The following SWT1 variants were observed in gnomAD, a reference collection of about 807,000 sequenced individuals.
The protein encoded by SWT1 is SWT1 RNA endoribonuclease homolog.
Under a neutral mutation model 107.3 loss-of-function variants are expected in SWT1, and 33 were observed. That is an observed-to-expected ratio of 0.31 (90% confidence interval 0.23 to 0.41). The LOEUF (loss-of-function observed/expected upper bound fraction) is 0.41. SWT1 is among the 10% of genes least tolerant of loss of function. SWT1 has a pLI of 1.00. For missense variants in SWT1, 898 were observed against 1,028.9 expected (o/e 0.87, Z 1.74); for synonymous variants, 345 against 348.3 (o/e 0.99, Z 0.11).
intron 2 of SWT1, among the ~76,000 whole-genome samples, 196 bp downstream of exon 2, chr1:185,161,121 A>G (rs1654109685): frequency 6.6e-6 from 1 of 152,168 alleles, no homozygotes; most frequent in African/African-American, 2.4e-5. Context: ...GGTGGGTACT[A>G]TTATTCCAAT....
chr1:185,206,848 A>ACAAATTCT, intron 13 of SWT1, 85 bp downstream of exon 13: 1 of 1,025,030 alleles, frequency 9.8e-7, no homozygotes, highest in Non-Finnish European at 1.4e-6. Flanking sequence ...AGATAAATTA[A>ACAAATTCT]TGAAGAATTT....
intron 16 of SWT1, among the ~76,000 whole-genome samples, chr1:185,252,244 G>A (rs572672010): frequency 3.9e-5 from 6 of 152,132 alleles, no homozygotes; most frequent in East Asian, 1.9e-4. Flanking sequence ...ATAAACATAC[G>A]TGTGCATGTG....
chr1:185,176,027 C>A (rs112095635), intron 5 of SWT1, among the ~76,000 whole-genome samples: 2 of 152,086 alleles, frequency 1.3e-5, no homozygotes, highest in East Asian at 3.8e-4. Context: ...CAATGGCTCA[C>A]GCCTGTAATC....
intron 16 of SWT1, among the ~76,000 whole-genome samples, chr1:185,268,254 A>G (rs1216916474): frequency 6.6e-6 from 1 of 152,230 alleles, no homozygotes; most frequent in African/African-American, 2.4e-5. Context: ...AGATCCCAAT[A>G]AACCTTTCTT....
In SWT1 at chr1:185,211,237, C is replaced by T. The variant is rs145001350; in HGVS notation, c.1973-3270C>T. 6.6e-5 allele frequency among the ~76,000 whole-genome samples: 10 copies of T among 152,240 alleles called. No homozygotes were observed. In the East Asian group the frequency reaches 1.7e-3, roughly 26 times the overall value. On this transcript the variant is annotated intron_variant, in intron 13 of 18. Transcript: ENST00000367500. ...CAAAAAAGAGCCCACATAGCCAAGACAATCCTAAGCAAAATGAACAAAACT... is the reference window on the plus strand; with the variant it reads ...CAAAAAAGAGCCCACATAGCCAAGATAATCCTAAGCAAAATGAACAAAACT...
At chr1:185,223,379 G>T (rs2102535430) in intron 15 of SWT1, among the ~76,000 whole-genome samples, 1 of 152,032 alleles carries the variant, frequency 6.6e-6, no homozygotes, top group East Asian at 1.9e-4. Flanking sequence ...ATCTCACTAT[G>T]TTGCCCAGGT....
At chr1:185,223,660 CT>C (rs1373941151) in intron 15 of SWT1, among the ~76,000 whole-genome samples, 1 of 152,124 alleles carries the variant, frequency 6.6e-6, no homozygotes, top group African/African-American at 2.4e-5. Flanking sequence ...ATTTTTTAAA[CT>C]TTAAGTTCAG....
intron 13 of SWT1, among the ~76,000 whole-genome samples, chr1:185,212,667 G>A (rs1200909263): frequency 1.3e-5 from 2 of 152,092 alleles, no homozygotes; most frequent in East Asian, 3.8e-4. Flanking sequence ...GCTGGGCGTG[G>A]TGGTGGGTGC....
intron 13 of SWT1, among the ~76,000 whole-genome samples, chr1:185,210,559 A>C (rs538465212): frequency 1.3e-5 from 2 of 152,198 alleles, no homozygotes; most frequent in Non-Finnish European, 2.9e-5. Context: ...ATAGCTCTTA[A>C]GCTGTGTATG....
rs1355847348 is a variant in SWT1 at position 185,231,752 on chromosome 1, T to C, written c.2441+44T>C. The C allele has an allele frequency of 2.0e-6, 3 of 1,507,562 alleles. No homozygotes were observed. In the African/African-American group the frequency reaches 4.2e-5, roughly 21 times the overall value. 93.4% of individuals were successfully genotyped at this position (1,507,562 alleles called of 1,614,324 possible). A position where few individuals can be genotyped will look rare whatever the true frequency, so the allele number is the denominator to read the frequency against. On this transcript the variant is annotated intron_variant, in intron 16 of 18. Coordinates refer to ENST00000367500, the MANE Select transcript of SWT1 (RefSeq NM_017673.7). The stretch of plus-strand genomic sequence containing the variant: ...TTAAAGTGTTATTTACTTATTACTT[T>C]TCTCTTTCTCCTAGGCTTACCAACT...
In SWT1 at chr1:185,174,273, A is replaced by C; in HGVS notation, c.225-99A>C. ...ATGTAGCTATTTCTACTTTTTATGA[A>C]GCTTAATGTCAGCCCAATTCTGTTA... is the stretch of plus-strand genomic sequence containing the variant. On this transcript the variant is annotated intron_variant, in intron 4 of 18. Coordinates refer to ENST00000367500, the MANE Select transcript of SWT1 (RefSeq NM_017673.7). 4 of 891,682 alleles carry C rather than the reference A, an allele frequency of 4.5e-6. No individual in the cohort carries two copies. The South Asian group carries it at 1.4e-4, about 31-fold the overall frequency. 55.2% of individuals were successfully genotyped at this position (891,682 alleles called of 1,614,324 possible).
At chr1:185,222,095 C>T (rs1365047538) in intron 15 of SWT1, 59 bp downstream of exon 15, 1 of 1,163,564 alleles carries the variant, frequency 8.6e-7, no homozygotes, top group African/African-American at 1.6e-5. Flanking sequence ...TATAATTGTA[C>T]ATATTTACAG....
intron 17 of SWT1, among the ~76,000 whole-genome samples, chr1:185,274,837 G>A (rs1056072515): frequency 5.9e-5 from 9 of 152,066 alleles, no homozygotes; most frequent in African/African-American, 1.7e-4. Context: ...TCTCAATATG[G>A]GTAAGTGAAA....
At chr1:185,192,043 A>T (rs142319208) in intron 10 of SWT1, among the ~76,000 whole-genome samples, 9 of 152,302 alleles carry the variant, frequency 5.9e-5, no homozygotes, top group Non-Finnish European at 1.2e-4. Flanking sequence ...TTGTGAGGAC[A>T]TATTTATATT....
At chr1:185,173,189 A>T (rs1167418561) in intron 4 of SWT1, among the ~76,000 whole-genome samples, 1 of 151,984 alleles carries the variant, frequency 6.6e-6, no homozygotes, top group Non-Finnish European at 1.5e-5. Flanking sequence ...CTAGAATCTT[A>T]GTAGTTTTTG....
intron 4 of SWT1, among the ~76,000 whole-genome samples, chr1:185,172,721 A>G (rs1655178231): frequency 6.6e-6 from 1 of 152,064 alleles, no homozygotes; most frequent in African/African-American, 2.4e-5. Context: ...CGAGTATTTG[A>G]TGTTATTGTA....
chr1:185,202,750 C>G lies in SWT1; in HGVS notation c.1620C>G (p.Asn540Lys). ...CAGAGTTATTACACTTATCTCTGAA[C>G]ACAGATGTGTGTCATCAGCCTTGTA... ...LSAELLHLSLNTDVCHQPCIP... is the reference protein window; with the variant it reads ...LSAELLHLSLKTDVCHQPCIP... The change falls in exon 11 of 19, where the codon AAC becomes AAG. Residue 540 changes from asparagine to lysine, a missense_variant. Around this residue, in one of 6 missense-constraint regions of SWT1, gnomAD observed 382 missense variants for 460.0 expected, o/e 0.83. Transcript: ENST00000367500. 1 of 1,594,750 alleles carries G rather than the reference C, an allele frequency of 6.3e-7. No homozygotes were observed. The highest frequency in any genetic ancestry group is 8.5e-7 in the Non-Finnish European group (1 of 1,169,906).
chr1:185,283,150 A>G (rs1391146608), intron 18 of SWT1, among the ~76,000 whole-genome samples: 1 of 152,214 alleles, frequency 6.6e-6, no homozygotes, highest in African/African-American at 2.4e-5. Context: ...TAAGTAGCTC[A>G]AGAACATAAA....
chr1:185,171,422 G>A (rs546084320), intron 4 of SWT1: 84 of 237,590 alleles, frequency 3.5e-4, no homozygotes, highest in Non-Finnish European at 6.1e-4. Context: ...AGTTACGCAC[G>A]TCCAATCACG....
Sources: gnomAD v4.1 joint callset for allele counts (sites outside exome capture counted in the v4.1 genomes callset) on GRCh38, gnomAD v4.1.1 for gene constraint, gnomAD v4.1.1 regional missense constraint, MANE v1.5 for transcripts, NCBI Gene and HGNC (gene_info 2026-07-23, HGNC 2026-07-21) for gene names.